The following DNAI1 variants were observed in gnomAD, a reference collection of about 807,000 sequenced individuals.
DNAI1 encodes the protein dynein, axonemal, intermediate polypeptide 1.
A neutral mutation model predicts 92.0 loss-of-function variants in DNAI1; 67 were observed. The ratio of observed to expected loss-of-function variants is 0.73; its 90% CI spans 0.60 to 0.89. DNAI1 has a LOEUF of 0.89. Among genes scored for constraint, DNAI1 ranks in the 40% least tolerant of loss-of-function variants. DNAI1 has a pLI of 0.00. For missense variants in DNAI1, 839 were observed against 866.6 expected (o/e 0.97, Z 0.40); for synonymous variants, 323 against 319.6 (o/e 1.01, Z -0.11).
At chr9:34,461,089 G>A (rs1458706202) in intron 1 of DNAI1, among the ~76,000 whole-genome samples, 32 of 152,198 alleles carry the variant, frequency 2.1e-4, no homozygotes, top group African/African-American at 6.7e-4. Context: ...TGATCTGCCC[G>A]CCTCGGCCTC....
At chr9:34,462,103 T>C (rs917025253) in intron 1 of DNAI1, among the ~76,000 whole-genome samples, 1 of 152,202 alleles carries the variant, frequency 6.6e-6, no homozygotes, top group Non-Finnish European at 1.5e-5. Context: ...TGGTTCCTTG[T>C]TGCTTTCAGG....
rs1354143118 is a variant in DNAI1 at position 34,485,437 on chromosome 9, G to A, written c.181G>A (p.Glu61Lys). The A allele has an allele frequency of 1.9e-6, 3 of 1,613,986 alleles. No homozygotes were observed. The highest frequency in any genetic ancestry group is 2.5e-6 in the Non-Finnish European group (3 of 1,180,018). ...CCCTCTTGGTATTTTTCTCCCTCAG[G>A]AGTTAAAGGAGGAGTTCACTCGGAT... The part of the protein sequence containing the change: ...PPDQLELTDA[E>K]LKEEFTRILT... Residue 61 changes from glutamate (E) to lysine (K), a missense_variant and splice_region_variant, in exon 4 of 20, where the codon GAG becomes AAG. Glu to Lys is a moderately conservative substitution (Grantham distance 56, BLOSUM62 1). Transcript: ENST00000242317.
chr9:34,467,895 C>T (rs1824067177), intron 1 of DNAI1, among the ~76,000 whole-genome samples: 1 of 152,218 alleles, frequency 6.6e-6, no homozygotes, highest in African/African-American at 2.4e-5. Context: ...AGGACAATTT[C>T]TTGATCATGG....
chr9:34,520,599 G>A lies in DNAI1; in HGVS notation c.2002-59G>A, dbSNP rs1564045885. The A allele has an allele frequency of 5.4e-6, 8 of 1,488,778 alleles. No homozygotes were observed. In the South Asian group the frequency reaches 9.7e-5, roughly 18 times the overall value. 92.2% of individuals were successfully genotyped at this position (1,488,778 alleles called of 1,614,324 possible). On this transcript the variant is annotated intron_variant, in intron 19 of 19. Transcript: ENST00000242317. Reference sequence around the variant, plus strand: ...CAGGCTGGGCAGAGGAGGTGGTGCTGGGACCCAGAGAGGGGGGGCCCACCA... The same window carrying A: ...CAGGCTGGGCAGAGGAGGTGGTGCTAGGACCCAGAGAGGGGGGGCCCACCA...
intron 1 of DNAI1, among the ~76,000 whole-genome samples, chr9:34,462,691 T>C (rs1052021057): frequency 6.6e-6 from 1 of 152,208 alleles, no homozygotes. Flanking sequence ...ACTGTGTAAG[T>C]ATGGTTTTCC....
At chr9:34,468,426 T>C (rs1299101147) in intron 1 of DNAI1, among the ~76,000 whole-genome samples, 1 of 151,578 alleles carries the variant, frequency 6.6e-6, no homozygotes, top group Non-Finnish European at 1.5e-5. Flanking sequence ...CCTAACCTCC[T>C]GATCCACCAG....
intron 1 of DNAI1, among the ~76,000 whole-genome samples, chr9:34,481,793 C>T (rs1056665902): frequency 5.3e-5 from 8 of 152,186 alleles, no homozygotes; most frequent in Non-Finnish European, 1.0e-4. Context: ...AGCTGCAGAT[C>T]TTCACAGTGA....
intron 1 of DNAI1, among the ~76,000 whole-genome samples, chr9:34,461,596 G>A (rs1208802262): frequency 6.6e-6 from 1 of 152,224 alleles, no homozygotes; most frequent in African/African-American, 2.4e-5. Context: ...TTAGAGACTA[G>A]TTACACTGAG....
chr9:34,489,099 T>A (rs1233754894), intron 4 of DNAI1: 2 of 510,844 alleles, frequency 3.9e-6, no homozygotes, highest in Non-Finnish European at 7.0e-6. Flanking sequence ...TTAAAATAAA[T>A]CCTTGATGAT....
intron 1 of DNAI1, 31 bp downstream of exon 1, chr9:34,459,084 C>T (rs1473101197): frequency 1.2e-6 from 2 of 1,606,172 alleles, no homozygotes; most frequent in Non-Finnish European, 1.7e-6. Flanking sequence ...TTCTGATGAC[C>T]TCTGACCTTC....
rs114286700 is a variant in DNAI1 at position 34,475,629 on chromosome 9, C to T, written c.49-7819C>T. Among the ~76,000 whole-genome samples, 399 of 152,324 alleles carry T rather than the reference C, an allele frequency of 2.6e-3. 2 individuals carry two copies. The highest frequency in any genetic ancestry group is 8.8e-3 in the African/African-American group (366 of 41,570). On this transcript the variant is annotated intron_variant, in intron 1 of 19. Coordinates refer to ENST00000242317, the MANE Select transcript of DNAI1 (RefSeq NM_012144.4). ...GTGTGTTGTTGACTCATTTAATCCT[C>T]ATAACAAGCCTCTGATTGTCTGAGG...
intron 12 of DNAI1, among the ~76,000 whole-genome samples, chr9:34,503,054 G>A (rs936846791): frequency 1.3e-5 from 2 of 152,160 alleles, no homozygotes; most frequent in African/African-American, 2.4e-5. Context: ...GCAGAGAAGG[G>A]GGGTGTGGAG....
At position 34,489,442 on chromosome 9, in the gene DNAI1, A is replaced by G. The variant is rs1824537449; in HGVS notation, c.381A>G (p.Leu127=). The change falls in exon 5 of 20, where the codon TTA becomes TTG. Residue 127 remains leucine, a synonymous_variant. Transcript: ENST00000242317. ...EGRRQHYRDE[L]VAGSQESVKV... ...GGCGGCAGCATTACCGCGATGAATT[A>G]GTGGCAGGTAGGACTCTGGGCCATC... 6.2e-7 allele frequency: 1 copy of G among 1,613,638 alleles called. No individual in the cohort carries two copies.
intron 9 of DNAI1, 73 bp from the exon 10 acceptor site, chr9:34,497,042 G>T (rs1445235995): frequency 1.8e-6 from 2 of 1,142,100 alleles, no homozygotes; most frequent in African/African-American, 3.0e-5. Flanking sequence ...AATTGCAAGG[G>T]TGACATGGCT....
intron 10 of DNAI1, among the ~76,000 whole-genome samples, chr9:34,499,884 G>A (rs541025188): frequency 5.1e-4 from 78 of 152,244 alleles, no homozygotes; most frequent in African/African-American, 1.8e-3. Context: ...GTGGAGTGAG[G>A]AAAGGGGTGT....
intron 1 of DNAI1, among the ~76,000 whole-genome samples, chr9:34,461,556 G>A (rs1823951893): frequency 6.6e-6 from 1 of 152,212 alleles, no homozygotes; most frequent in Non-Finnish European, 1.5e-5. Context: ...CAAGCTTGGG[G>A]ATGGGTTTCT....
chr9:34,492,532 A>G (rs1466932753), intron 8 of DNAI1, among the ~76,000 whole-genome samples: 2 of 120,264 alleles, frequency 1.7e-5, no homozygotes, highest in East Asian at 2.7e-4. Context: ...ATATATATAT[A>G]TATTTGAGAC....
At chr9:34,489,983 T>C (rs372088765) in intron 5 of DNAI1, 29 bp from the exon 6 acceptor site, 4 of 1,612,784 alleles carry the variant, frequency 2.5e-6, no homozygotes, top group Non-Finnish European at 3.4e-6. Flanking sequence ...AGGCTTAGAC[T>C]TTGAACTCAT....
rs74180566 is a variant in DNAI1, at chr9:34,477,924, C to CT, written c.49-5499dup. ...ACCCTGTCTCTCTCTCTCTCTCTCT[C>CT]TTTTTTTTTTTTTTTTTTTTTTTTT... is the stretch of plus-strand genomic sequence containing the variant. On this transcript the variant is annotated intron_variant, in intron 1 of 19. Coordinates refer to ENST00000242317, the MANE Select transcript of DNAI1 (RefSeq NM_012144.4). Among the ~76,000 whole-genome samples, 225 of 48,988 alleles carry CT rather than the reference C, an allele frequency of 4.6e-3. 5 individuals carry two copies. Among genetic ancestry groups the CT allele is most frequent in the African/African-American group, 0.013 (171 of 13,624 alleles). The allele number at this position is 48,988 out of a possible 152,430, so 32.1% of individuals were successfully genotyped here.
Sources: allele counts gnomAD v4.1 joint callset (sites outside exome capture counted in the v4.1 genomes callset), GRCh38; gene constraint gnomAD v4.1.1; transcripts MANE v1.5; gene names NCBI Gene and HGNC (gene_info 2026-07-23, HGNC 2026-07-21).